Variants in RASGEF1B observed in about 807,000 individuals in gnomAD.
RASGEF1B encodes RasGEF domain family member 1B, also known as ras-GEF domain-containing family member 1B.
In RASGEF1B, 30 loss-of-function variants were observed where a neutral mutation model predicts 65.7. The observed-to-expected ratio is 0.46, with a 90% CI of 0.34 to 0.62. The LOEUF (loss-of-function observed/expected upper bound fraction) is 0.62. Ranked by LOEUF, RASGEF1B falls within the 20% of genes least tolerant of loss-of-function variation. The pLI is 0.01. For synonymous variants in RASGEF1B, 175 were observed against 194.8 expected (o/e 0.90, Z 0.85); for missense variants, 495 against 580.1 (o/e 0.85, Z 1.51).
intron 13 of RASGEF1B, among the ~76,000 whole-genome samples, chr4:81,431,482 A>C (rs894528521): frequency 3.9e-5 from 6 of 152,062 alleles, no homozygotes; most frequent in African/African-American, 1.4e-4. Context: ...GGGAGGTACA[A>C]AGAAGGCCTA....
intron 8 of RASGEF1B, among the ~76,000 whole-genome samples, chr4:81,444,516 C>T (rs1242582052): frequency 3.3e-5 from 5 of 152,062 alleles, no homozygotes; most frequent in Admixed American, 6.6e-5. Context: ...ACTGATCCTT[C>T]GAAAAGACCT....
At chr4:81,432,439 C>T (rs2109965069) in intron 12 of RASGEF1B, 68 bp from the exon 13 acceptor site, 2 of 962,368 alleles carry the variant, frequency 2.1e-6, no homozygotes, top group South Asian at 2.8e-5. Flanking sequence ...TACCACCACC[C>T]TTGTTCGACT....
At chr4:81,444,306 C>G (rs544013234) in intron 8 of RASGEF1B, among the ~76,000 whole-genome samples, 1 of 152,094 alleles carries the variant, frequency 6.6e-6, no homozygotes, top group African/African-American at 2.4e-5. Context: ...CCTTTCAGTC[C>G]CTGATTCAGA....
At chr4:81,447,620 G>T in intron 5 of RASGEF1B, 42 bp from the exon 6 acceptor site, 1 of 1,459,460 alleles carries the variant, frequency 6.9e-7, no homozygotes, top group South Asian at 1.1e-5. Flanking sequence ...TAAAGAAAAT[G>T]AAAAGAAATG....
intron 1 of RASGEF1B, among the ~76,000 whole-genome samples, chr4:81,460,669 G>A (rs553886420): frequency 6.6e-6 from 1 of 152,330 alleles, no homozygotes; most frequent in South Asian, 2.1e-4. Context: ...TCCTGTGCAT[G>A]TGCCTCAGCA....
chr4:81,466,954 AAG>A (rs901012774), intron 1 of RASGEF1B, among the ~76,000 whole-genome samples: 12 of 150,518 alleles, frequency 8.0e-5, no homozygotes, highest in African/African-American at 1.5e-4. Flanking sequence ...AAAAAAAAAA[AAG>A]AAAAAAAAGG....
rs188812818 is a variant in RASGEF1B at position 81,442,481 on chromosome 4, T to C, written c.929-105A>G. On this transcript the variant is annotated intron_variant, in intron 8 of 13. Coordinates refer to ENST00000264400, the MANE Select transcript of RASGEF1B (RefSeq NM_152545.3). Reference sequence around the variant, plus strand: ...AAATACTTTCATTACTAAGTGAGAATTCTAAAATTAGTAAGTAACAAACTC... The same window carrying C: ...AAATACTTTCATTACTAAGTGAGAACTCTAAAATTAGTAAGTAACAAACTC... 46 of 706,846 alleles carry C rather than the reference T, an allele frequency of 6.5e-5. No individual in the cohort carries two copies. In the East Asian group the frequency reaches 1.1e-3, roughly 17 times the overall value. The allele number at this position is 706,846 out of a possible 1,614,324, so 43.8% of individuals were successfully genotyped here. A position where few individuals can be genotyped will look rare whatever the true frequency, so the allele number is the denominator to read the frequency against.
At position 81,442,289 on chromosome 4, in the gene RASGEF1B, T is replaced by C. The variant is rs1211603031; in HGVS notation, c.1008+8A>G. 7 of 1,597,028 alleles carry C rather than the reference T, an allele frequency of 4.4e-6. No homozygotes were observed. Among genetic ancestry groups the C allele is most frequent in the East Asian group, 2.2e-5 (1 of 44,806 alleles). ...GTTACTTAACAGCAAAACATCAGCT[T>C]CACATACCTCAAGAATGTCAAATTT... On this transcript the variant is annotated splice_region_variant and intron_variant, in intron 9 of 13. Transcript: ENST00000264400.
chr4:81,446,649 C>T (rs1480184487), intron 6 of RASGEF1B, among the ~76,000 whole-genome samples: 2 of 152,170 alleles, frequency 1.3e-5, no homozygotes, highest in African/African-American at 2.4e-5. Context: ...CAGAAGTCTA[C>T]ACCATCATGG....
intron 12 of RASGEF1B, among the ~76,000 whole-genome samples, chr4:81,433,163 A>G (rs564336572): frequency 6.6e-6 from 1 of 151,366 alleles, no homozygotes; most frequent in East Asian, 1.9e-4. Flanking sequence ...CAGGAGGTTG[A>G]GGCTGCAGTG....
chr4:81,469,183 C>A (rs192661165), intron 1 of RASGEF1B, among the ~76,000 whole-genome samples: 1 of 152,258 alleles, frequency 6.6e-6, no homozygotes, highest in Admixed American at 6.5e-5. Context: ...GTGCAATTGG[C>A]CTCTTTAAGA....
chr4:81,436,833 T>C (rs1287934608), intron 10 of RASGEF1B, among the ~76,000 whole-genome samples: 1 of 152,248 alleles, frequency 6.6e-6, no homozygotes, highest in Non-Finnish European at 1.5e-5. Context: ...CAAGTTTTGA[T>C]TATTTTTGTT....
intron 1 of RASGEF1B, among the ~76,000 whole-genome samples, chr4:81,468,164 A>G (rs1223020545): frequency 6.6e-6 from 1 of 152,202 alleles, no homozygotes; most frequent in African/African-American, 2.4e-5. Context: ...CATGTGGAGA[A>G]CATTCTTTAA....
At chr4:81,470,392 T>C (rs1242933140) in intron 1 of RASGEF1B, among the ~76,000 whole-genome samples, 2 of 152,166 alleles carry the variant, frequency 1.3e-5, no homozygotes, top group Non-Finnish European at 2.9e-5. Context: ...GGCATAGCCA[T>C]CACATGCCAA....
At chr4:81,465,081 T>C (rs1233852013) in intron 1 of RASGEF1B, among the ~76,000 whole-genome samples, 2 of 138,262 alleles carry the variant, frequency 1.4e-5, no homozygotes, top group Admixed American at 7.2e-5. Flanking sequence ...CAAAACTCCA[T>C]CTCAAAAAAA....
intron 10 of RASGEF1B, among the ~76,000 whole-genome samples, chr4:81,436,287 C>A (rs1401731259): frequency 6.6e-6 from 1 of 152,052 alleles, no homozygotes; most frequent in Non-Finnish European, 1.5e-5. Flanking sequence ...GTATGATGAA[C>A]AAGTTAGCAC....
At chr4:81,432,215 G>T (rs1721454533) in intron 13 of RASGEF1B, 84 bp downstream of exon 13, 1 of 823,628 alleles carries the variant, frequency 1.2e-6, no homozygotes, top group Non-Finnish European at 2.0e-6. Context: ...ATAGACAGCA[G>T]CTTCCTATAG....
chr4:81,438,734 C>A (rs1361533696), intron 10 of RASGEF1B, among the ~76,000 whole-genome samples: 1 of 151,842 alleles, frequency 6.6e-6, no homozygotes, highest in African/African-American at 2.4e-5. Flanking sequence ...CCCCCCAGCC[C>A]CCTACTGGCC....
At chr4:81,436,273 C>G (rs1363138062) in intron 10 of RASGEF1B, among the ~76,000 whole-genome samples, 1 of 152,070 alleles carries the variant, frequency 6.6e-6, no homozygotes, top group Non-Finnish European at 1.5e-5. Context: ...TAAACCTAGC[C>G]TGTGTATGAT....
Sources: gnomAD v4.1 joint callset for allele counts (sites outside exome capture counted in the v4.1 genomes callset) on GRCh38, gnomAD v4.1.1 for gene constraint, MANE v1.5 for transcripts, NCBI Gene and HGNC (gene_info 2026-07-23, HGNC 2026-07-21) for gene names.